The following RIN2 variants were observed in gnomAD, a reference collection of about 807,000 sequenced individuals.
RIN2 encodes RAB5 interacting protein 2.
Under a neutral mutation model 78.0 loss-of-function variants are expected in RIN2, and 36 were observed. The ratio of observed to expected loss-of-function variants is 0.46; its 90% CI spans 0.35 to 0.61. RIN2 has a LOEUF of 0.61. RIN2 is among the 20% of genes least tolerant of loss of function. The probability of loss-of-function intolerance (pLI) is 0.00; values close to 1 mark genes in which losing one functional copy is unlikely to be tolerated. For synonymous variants in RIN2, 466 were observed against 466.8 expected, an observed-to-expected ratio of 1.00 and a Z score of 0.02; for missense variants, 1,087 against 1,159.7, an observed-to-expected ratio of 0.94 and a Z score of 0.91.
chr20:19,909,462 G>C (rs185864583), intron 3 of RIN2, among the ~76,000 whole-genome samples: 1 of 152,148 alleles, frequency 6.6e-6, no homozygotes, highest in Non-Finnish European at 1.5e-5. Flanking sequence ...TTCCTTTCTG[G>C]AACTTTCAAC....
chr20:19,831,225 T>G (rs2036242402), intron 2 of RIN2, among the ~76,000 whole-genome samples: 1 of 152,238 alleles, frequency 6.6e-6, no homozygotes, highest in Non-Finnish European at 1.5e-5. Flanking sequence ...ACTTGGTGCT[T>G]GGAAGTAGTT....
chr20:19,781,834 T>C (rs1284921113), intron 1 of RIN2, among the ~76,000 whole-genome samples: 2 of 151,866 alleles, frequency 1.3e-5, no homozygotes, highest in Non-Finnish European at 2.9e-5. Flanking sequence ...CTGTGGCCAA[T>C]CTTCATTAAC....
chr20:19,798,904 AT>A (rs34198043), intron 1 of RIN2, among the ~76,000 whole-genome samples: 11,586 of 147,188 alleles, frequency 0.079, 495 homozygotes, highest in African/African-American at 0.12. Flanking sequence ...TAATATAGTA[AT>A]TTTTTTTTTT....
intron 3 of RIN2, among the ~76,000 whole-genome samples, chr20:19,928,682 C>T (rs1044690519): frequency 3.9e-5 from 6 of 152,288 alleles, no homozygotes; most frequent in African/African-American, 1.4e-4. Flanking sequence ...AGCTCTTATG[C>T]AGGAGCACTC....
At chr20:19,890,038 T>A (rs2038375636) in intron 3 of RIN2, among the ~76,000 whole-genome samples, 1 of 150,718 alleles carries the variant, frequency 6.6e-6, no homozygotes, top group Non-Finnish European at 1.5e-5. Context: ...TTTGTATGAA[T>A]CACTGAAGGG....
chr20:19,848,952 C>T (rs979039625), intron 2 of RIN2, among the ~76,000 whole-genome samples: 5 of 152,052 alleles, frequency 3.3e-5, no homozygotes, highest in Non-Finnish European at 5.9e-5. Context: ...AATTCTCTAC[C>T]ATCAGTCGGC....
rs2146175821 is a variant in RIN2 at position 19,944,218 on chromosome 20, T to A, written c.158+9019T>A. Among the ~76,000 whole-genome samples the A allele has an allele frequency of 2.0e-5, 3 of 152,256 alleles. No individual in the cohort carries two copies. The Middle Eastern group carries it at 0.01, about 518-fold the overall frequency. ...TTTTAGTTGATAGATATCTTCAGTA[T>A]GGGCCATTATTTTCTGTCTCTCTAC... On this transcript the variant is annotated intron_variant, in intron 4 of 12. Transcript: ENST00000255006.
At chr20:19,952,713 A>G (rs1240280415) in intron 4 of RIN2, among the ~76,000 whole-genome samples, 1 of 152,214 alleles carries the variant, frequency 6.6e-6, no homozygotes, top group African/African-American at 2.4e-5. Context: ...ACACATGAGC[A>G]TCACGATTGT....
chr20:19,844,245 T>TA (rs1232947354), intron 2 of RIN2, among the ~76,000 whole-genome samples: 2 of 152,128 alleles, frequency 1.3e-5, no homozygotes, highest in Admixed American at 6.5e-5. Context: ...ATGTGAGGGA[T>TA]AAAAAAACAT....
chr20:19,900,807 A>G (rs6046439), intron 3 of RIN2, among the ~76,000 whole-genome samples: 78,290 of 151,076 alleles, frequency 0.52, 21,110 homozygotes, highest in African/African-American at 0.69. Context: ...AAAATGAGCC[A>G]GGCGTGGTGG....
chr20:19,890,462 G>C (rs1349770843), intron 3 of RIN2, among the ~76,000 whole-genome samples: 2 of 151,952 alleles, frequency 1.3e-5, no homozygotes, highest in East Asian at 3.9e-4. Flanking sequence ...GAAAAATGGA[G>C]GTAAAATATG....
rs191455814 is a variant in RIN2, at chr20:19,909,895, C to T, written c.57+20237C>T. 4.6e-5 allele frequency among the ~76,000 whole-genome samples: 7 copies of T among 152,252 alleles called. No individual in the cohort carries two copies. In the East Asian group the frequency reaches 1.4e-3, roughly 30 times the overall value. The stretch of plus-strand genomic sequence containing the variant: ...CTACTAGTAAATGGGGACCATGATG[C>T]GGCCATGCCTGGGAGCCCAGCCAGT... On this transcript the variant is annotated intron_variant, in intron 3 of 12. Transcript: ENST00000255006.
chr20:19,941,637 C>T (rs781720819), intron 4 of RIN2, among the ~76,000 whole-genome samples: 1 of 152,044 alleles, frequency 6.6e-6, no homozygotes, highest in Admixed American at 6.5e-5. Flanking sequence ...AGACATTTTC[C>T]GGCTATGTCA....
At chr20:19,845,641 G>A (rs1454100169) in intron 2 of RIN2, among the ~76,000 whole-genome samples, 5 of 151,068 alleles carry the variant, frequency 3.3e-5, no homozygotes, top group Admixed American at 1.3e-4. Flanking sequence ...TTTGTCAGAT[G>A]GATAGATTGC....
chr20:19,842,228 T>C (rs2123092912), intron 2 of RIN2, among the ~76,000 whole-genome samples: 1 of 151,900 alleles, frequency 6.6e-6, no homozygotes, highest in Admixed American at 6.6e-5. Flanking sequence ...TTTGTTTGTT[T>C]GTTTGTTTGT....
At chr20:19,829,976 G>A (rs995072276) in intron 2 of RIN2, among the ~76,000 whole-genome samples, 7 of 152,164 alleles carry the variant, frequency 4.6e-5, no homozygotes, top group African/African-American at 1.7e-4. Context: ...GCAGCAAGGA[G>A]GCCAGAAAAT....
intron 2 of RIN2, among the ~76,000 whole-genome samples, chr20:19,840,330 G>A (rs762486076): frequency 7.9e-5 from 12 of 152,194 alleles, no homozygotes; most frequent in Non-Finnish European, 1.6e-4. Context: ...GCTCAGCACT[G>A]CATACTTGGG....
chr20:19,896,770 A>G (rs899065336), intron 3 of RIN2, among the ~76,000 whole-genome samples: 4 of 152,208 alleles, frequency 2.6e-5, no homozygotes, highest in Non-Finnish European at 5.9e-5. Flanking sequence ...GAGCATAGAA[A>G]CAATAGCACC....
At chr20:19,917,884 A>G (rs1045393692) in intron 3 of RIN2, among the ~76,000 whole-genome samples, 2 of 152,234 alleles carry the variant, frequency 1.3e-5, no homozygotes, top group African/African-American at 2.4e-5. Context: ...GTTCACTATC[A>G]TAAATGATAT....
Sources: allele counts gnomAD v4.1 joint callset (sites outside exome capture counted in the v4.1 genomes callset), GRCh38; gene constraint gnomAD v4.1.1; transcripts MANE v1.5; gene names NCBI Gene and HGNC (gene_info 2026-07-23, HGNC 2026-07-21).